Variants in GRIK2 observed in about 807,000 individuals in gnomAD.
GRIK2 encodes glutamate ionotropic receptor kainate type subunit 2.
Under a neutral mutation model 100.3 loss-of-function variants are expected in GRIK2, and 32 were observed. The observed-to-expected ratio is 0.32, with a 90% CI of 0.24 to 0.43. The LOEUF is 0.43. Among genes scored for constraint, GRIK2 ranks in the 20% least tolerant of loss-of-function variants. GRIK2 has a pLI of 1.00. For synonymous variants in GRIK2, 417 were observed against 389.4 expected (o/e 1.07, Z -0.83); for missense variants, 843 against 1,114.9 (o/e 0.76, Z 3.47).
chr6:101,514,281 A>C (rs1486625007), intron 2 of GRIK2, among the ~76,000 whole-genome samples: 1 of 152,122 alleles, frequency 6.6e-6, no homozygotes, highest in Non-Finnish European at 1.5e-5. Context: ...GGCTCCAACG[A>C]TTGGAGGAAC....
intron 12 of GRIK2, chr6:101,891,516 C>CAA (rs5878701): frequency 0.02 from 3,939 of 196,652 alleles, 2 homozygotes; most frequent in Middle Eastern, 0.034. Flanking sequence ...GACTCCATCT[C>CAA]AAAAAAAAAA....
intron 14 of GRIK2, among the ~76,000 whole-genome samples, chr6:102,015,136 A>C (rs1795765133): frequency 6.6e-6 from 1 of 152,106 alleles, no homozygotes; most frequent in South Asian, 2.1e-4. Flanking sequence ...TGTTGGGTGC[A>C]TGTATATTTA....
chr6:101,456,687 G>GAA (rs375699232), intron 2 of GRIK2, among the ~76,000 whole-genome samples: 15,367 of 150,240 alleles, frequency 0.1, 827 homozygotes, highest in South Asian at 0.12. Flanking sequence ...GCTTAATTTG[G>GAA]AAAAAAAAAC....
At chr6:101,984,628 C>CAA (rs1793912285) in intron 14 of GRIK2, among the ~76,000 whole-genome samples, 1 of 148,206 alleles carries the variant, frequency 6.7e-6, no homozygotes. Context: ...CACACACACA[C>CAA]ACACACACAC....
chr6:101,437,090 T>C (rs1025392942), intron 2 of GRIK2, among the ~76,000 whole-genome samples: 2 of 151,926 alleles, frequency 1.3e-5, no homozygotes, highest in Non-Finnish European at 2.9e-5. Flanking sequence ...ACAGTGTCCT[T>C]ACTACAGCCA....
intron 14 of GRIK2, among the ~76,000 whole-genome samples, chr6:102,027,807 A>G (rs930252233): frequency 6.6e-6 from 1 of 151,106 alleles, no homozygotes; most frequent in Non-Finnish European, 1.5e-5. Flanking sequence ...CAAAATGAAC[A>G]AAGGTGAGGA....
chr6:101,441,126 G>C (rs957704712), intron 2 of GRIK2, among the ~76,000 whole-genome samples: 1 of 151,966 alleles, frequency 6.6e-6, no homozygotes, highest in Non-Finnish European at 1.5e-5. Flanking sequence ...TTACAGGCGT[G>C]AGCCACTACA....
At chr6:101,659,392 C>G (rs982280442) in intron 4 of GRIK2, among the ~76,000 whole-genome samples, 3 of 152,110 alleles carry the variant, frequency 2.0e-5, no homozygotes, top group African/African-American at 2.4e-5. Flanking sequence ...GTACCAGTAC[C>G]GTGCTCTTTT....
chr6:101,493,361 A>G (rs1773246363), intron 2 of GRIK2, among the ~76,000 whole-genome samples: 2 of 152,062 alleles, frequency 1.3e-5, no homozygotes, highest in African/African-American at 4.8e-5. Context: ...AGGAGCAACC[A>G]GATAGAAAAT....
chr6:101,936,378 A>G (rs977031088), intron 14 of GRIK2, among the ~76,000 whole-genome samples: 4 of 152,024 alleles, frequency 2.6e-5, no homozygotes, highest in Non-Finnish European at 5.9e-5. Flanking sequence ...ACGTGGTAGT[A>G]TTTTGTTCAA....
At chr6:101,574,331 A>G (rs1265925971) in intron 2 of GRIK2, among the ~76,000 whole-genome samples, 2 of 147,528 alleles carry the variant, frequency 1.4e-5, no homozygotes, top group East Asian at 3.9e-4. Flanking sequence ...TTATGAATAT[A>G]TGATAAATAA....
chr6:101,828,082 C>T (rs559729031), intron 10 of GRIK2, among the ~76,000 whole-genome samples: 1 of 152,008 alleles, frequency 6.6e-6, no homozygotes, highest in Non-Finnish European at 1.5e-5. Context: ...CAAGCATCTT[C>T]TCAGAGCACA....
chr6:101,522,726 C>G (rs1774939902), intron 2 of GRIK2, among the ~76,000 whole-genome samples: 1 of 151,990 alleles, frequency 6.6e-6, no homozygotes, highest in South Asian at 2.1e-4. Context: ...TCCAGATGCT[C>G]TCATAACCAC....
At chr6:101,934,356 T>TA (rs1790486398) in intron 14 of GRIK2, among the ~76,000 whole-genome samples, 1 of 151,914 alleles carries the variant, frequency 6.6e-6, no homozygotes, top group Non-Finnish European at 1.5e-5. Context: ...TTGGGGCAGA[T>TA]ACAGCTATAA....
chr6:101,937,189 C>T (rs949126365), intron 14 of GRIK2, among the ~76,000 whole-genome samples: 1 of 152,072 alleles, frequency 6.6e-6, no homozygotes, highest in African/African-American at 2.4e-5. Flanking sequence ...TTTTAATTGC[C>T]TTGGAAAACA....
At chr6:101,636,765 G>A (rs563321757) in intron 4 of GRIK2, among the ~76,000 whole-genome samples, 10 of 151,610 alleles carry the variant, frequency 6.6e-5, no homozygotes, top group African/African-American at 2.4e-4. Flanking sequence ...GGGGGGCGGG[G>A]AAATGTGAAG....
rs146452734 is a variant in GRIK2, at chr6:101,796,219, A to G, written c.952-3429A>G. Among the ~76,000 whole-genome samples the G allele has an allele frequency of 2.9e-4, 44 of 152,282 alleles. No homozygotes were observed. The Middle Eastern group carries it at 0.014, about 47-fold the overall frequency. ...TGGTTTCCTATTTGACACATACTTG[A>G]TGGGATTGCACCTGAATAATGGTTA... On this transcript the variant is annotated intron_variant, in intron 7 of 16. Coordinates refer to ENST00000369134, the MANE Select transcript of GRIK2 (RefSeq NM_021956.5).
rs1770861710 is a variant in GRIK2, at chr6:101,676,610, A to G, written c.542-13A>G. ...CTCTAATATTCTTTTTTTTTTTTCC[A>G]TTTTAATTAAAGGTCTCATTCGTTT... On this transcript the variant is annotated splice_polypyrimidine_tract_variant and intron_variant, in intron 4 of 16. Coordinates refer to ENST00000369134, the MANE Select transcript of GRIK2 (RefSeq NM_021956.5). 12 of 1,416,666 alleles carry G rather than the reference A, an allele frequency of 8.5e-6. No individual in the cohort carries two copies. Among genetic ancestry groups the G allele is most frequent in the African/African-American group, 3.0e-5 (2 of 66,496 alleles). 87.8% of individuals were successfully genotyped at this position (1,416,666 alleles called of 1,614,324 possible).
intron 7 of GRIK2, among the ~76,000 whole-genome samples, chr6:101,724,802 A>G (rs1207446498): frequency 6.6e-6 from 1 of 152,018 alleles, no homozygotes; most frequent in African/African-American, 2.4e-5. Flanking sequence ...TGACAGAATA[A>G]GTGATATGCC....
Sources: allele counts gnomAD v4.1 joint callset (sites outside exome capture counted in the v4.1 genomes callset), GRCh38; gene constraint gnomAD v4.1.1; transcripts MANE v1.5; gene names NCBI Gene and HGNC (gene_info 2026-07-23, HGNC 2026-07-21).